The following SPDYE4 variants were observed in gnomAD, a reference collection of about 807,000 sequenced individuals.
SPDYE4 encodes the protein speedy protein E4.
A neutral mutation model predicts 37.5 loss-of-function variants in SPDYE4; 30 were observed. The ratio of observed to expected loss-of-function variants is 0.80; its 90% CI spans 0.60 to 1.09. SPDYE4 has a LOEUF of 1.09. SPDYE4 is among the 50% of genes least tolerant of loss of function. The pLI is 0.00. For missense variants in SPDYE4, 300 were observed against 307.9 expected (o/e 0.97, Z 0.19); for synonymous variants, 131 against 120.3 (o/e 1.09, Z -0.58).
downstream of SPDYE4, among the ~76,000 whole-genome samples, chr17:8,750,242 A>G (rs776219581): frequency 4.6e-5 from 7 of 152,110 alleles, no homozygotes; most frequent in Non-Finnish European, 1.0e-4. Flanking sequence ...TACAGAAATT[A>G]GCTGGGCGTG....
chr17:8,752,510 G>A (rs1319923899), intron 6 of SPDYE4, among the ~76,000 whole-genome samples: 1 of 152,128 alleles, frequency 6.6e-6, no homozygotes, highest in African/African-American at 2.4e-5. Flanking sequence ...CTCCACCCAG[G>A]GAGTAGAGCA....
chr17:8,753,564 A>T, intron 4 of SPDYE4, 75 bp from the exon 5 acceptor site: 1 of 1,560,424 alleles, frequency 6.4e-7, no homozygotes, highest in Non-Finnish European at 8.7e-7. Context: ...CCTCTCAGAG[A>T]GGAGGGCAGG....
chr17:8,749,613 G>A (rs2086713987), downstream of SPDYE4, among the ~76,000 whole-genome samples: 1 of 151,934 alleles, frequency 6.6e-6, no homozygotes, highest in Non-Finnish European at 1.5e-5. Context: ...TGCCCAGGCT[G>A]CTCTTGAACT....
chr17:8,748,499 T>C (rs2086705368), downstream of SPDYE4, among the ~76,000 whole-genome samples: 1 of 152,242 alleles, frequency 6.6e-6, no homozygotes, highest in African/African-American at 2.4e-5. Context: ...TCCTGGCACC[T>C]TGATCTTGGA....
intron 3 of SPDYE4, among the ~76,000 whole-genome samples, 195 bp from the exon 4 acceptor site, chr17:8,755,800 G>A (rs1334237698): frequency 6.6e-6 from 1 of 152,136 alleles, no homozygotes; most frequent in Non-Finnish European, 1.5e-5. Flanking sequence ...GAAGTCGGAG[G>A]GAGGGAGGTC....
intron 3 of SPDYE4, 118 bp downstream of exon 3, chr17:8,756,260 A>AGGG (rs1236190557): frequency 2.1e-4 from 193 of 926,754 alleles, no homozygotes; most frequent in Non-Finnish European, 3.1e-4. Flanking sequence ...AAGAGTATGG[A>AGGG]ATCAGCAGGT....
chr17:8,748,490 C>A (rs932276602), downstream of SPDYE4, among the ~76,000 whole-genome samples: 2 of 152,188 alleles, frequency 1.3e-5, no homozygotes, highest in African/African-American at 4.8e-5. Context: ...CACTGCCTGT[C>A]CTGGCACCTT....
chr17:8,756,666 A>AGGAGC (rs2086775372), intron 2 of SPDYE4, among the ~76,000 whole-genome samples: 1 of 152,178 alleles, frequency 6.6e-6, no homozygotes, highest in Non-Finnish European at 1.5e-5. Flanking sequence ...AGTCTACAGG[A>AGGAGC]TGAAGAGCTG....
rs1300238737 is a variant in SPDYE4 at position 8,757,255 on chromosome 17, C to T, written c.340+7G>A. 2.5e-6 allele frequency: 4 copies of T among 1,599,484 alleles called. No homozygotes were observed. The highest frequency in any genetic ancestry group is 3.4e-6 in the Non-Finnish European group (4 of 1,172,788). On this transcript the variant is annotated splice_region_variant and intron_variant, in intron 2 of 6. Transcript: ENST00000689094. ...GGTTGGAGGTGCTTTTTGGGGTATC[C>T]TCCTACCAAGGAGCCTGTTGAAGGC...
chr17:8,756,304 T>C, intron 3 of SPDYE4, 74 bp downstream of exon 3: 1 of 1,392,102 alleles, frequency 7.2e-7, no homozygotes, highest in Non-Finnish European at 1.0e-6. Flanking sequence ...AGAGAAACTG[T>C]GGGTTTAGAC....
intron 4 of SPDYE4, among the ~76,000 whole-genome samples, chr17:8,753,848 G>C (rs1370924341): frequency 6.6e-6 from 1 of 152,032 alleles, no homozygotes; most frequent in Non-Finnish European, 1.5e-5. Flanking sequence ...TTATGCTAAG[G>C]ATGTGTCCTG....
In SPDYE4 at chr17:8,757,456, A is replaced by C. The variant is rs1189078105; in HGVS notation, c.146T>G (p.Leu49Arg). ...CCATTCGCTCTTCCTTTTCAGGCCA[A>C]GGGATTGAGGCTGGGGGCTGGGATC... ...WIDPSPQPQS[L>R]GLKRKSEWSD... Residue 49 changes from leucine (L) to arginine (R), a missense_variant, in exon 2 of 7, where the codon CTT becomes CGT. Transcript: ENST00000689094. 1.9e-5 allele frequency: 31 copies of C among 1,605,458 alleles called. No homozygotes were observed. The highest frequency in any genetic ancestry group is 3.4e-5 in the Admixed American group (2 of 58,328).
Position 8,753,422 on chromosome 17 carries a change from C to T in SPDYE4, c.553G>A (p.Gly185Arg), listed in dbSNP as rs1339282223. Residue 185 changes from glycine (G) to arginine (R), a missense_variant, in exon 5 of 7, where the codon GGG (glycine) becomes AGG (arginine). Physicochemically the swap from Gly to Arg is moderately radical, Grantham distance 125. Coordinates refer to ENST00000689094, the MANE Select transcript of SPDYE4 (RefSeq NM_001394956.1). ...PKQDIFSFLY[G>R]KNYSQRPLFH... Reference sequence around the variant, plus strand: ...AAGGGTCGCTGGGAGTAGTTCTTCCCGTAGAGGAAGGAGAAGATGTCTTGT... The same window carrying T: ...AAGGGTCGCTGGGAGTAGTTCTTCCTGTAGAGGAAGGAGAAGATGTCTTGT... 8 of 1,608,320 alleles carry T rather than the reference C, an allele frequency of 5.0e-6. No individual in the cohort carries two copies. The African/African-American group carries it at 6.7e-5, about 13-fold the overall frequency.
In SPDYE4 at chr17:8,752,045, T is replaced by G. The variant is rs939599979; in HGVS notation, c.*237A>C. Reference sequence around the variant, plus strand: ...AACACCCCTGGTTTCTCACTTTCCCTCCACTGACTCCTAGAAATACCTCCA... The same window carrying G: ...AACACCCCTGGTTTCTCACTTTCCCGCCACTGACTCCTAGAAATACCTCCA... On this transcript the variant is annotated 3_prime_UTR_variant, in exon 7 of 7. Transcript: ENST00000689094. Among the ~76,000 whole-genome samples, 15 of 152,234 alleles carry G rather than the reference T, an allele frequency of 9.9e-5. No individual in the cohort carries two copies. Among genetic ancestry groups the G allele is most frequent in the Non-Finnish European group, 1.9e-4 (13 of 67,988 alleles).
At chr17:8,747,907 A>G (rs12603886), downstream of SPDYE4, among the ~76,000 whole-genome samples, 35,609 of 152,180 alleles carry the variant, frequency 0.23, 4,507 homozygotes, top group East Asian at 0.43. Context: ...ACAGTTCCAC[A>G]TGGCTGGGAG....
chr17:8,754,736 G>T (rs1460002608), intron 4 of SPDYE4, among the ~76,000 whole-genome samples: 4 of 152,246 alleles, frequency 2.6e-5, no homozygotes, highest in Non-Finnish European at 4.4e-5. Context: ...GAAGCTGGAA[G>T]ATCAGGGGAG....
downstream of SPDYE4, among the ~76,000 whole-genome samples, chr17:8,750,287 G>A (rs1338858593): frequency 1.3e-5 from 2 of 152,136 alleles, no homozygotes; most frequent in East Asian, 3.8e-4. Flanking sequence ...TTCTCAGGAG[G>A]CTGAGACAAG....
chr17:8,756,246 G>T, intron 3 of SPDYE4, 132 bp downstream of exon 3: 2 of 811,914 alleles, frequency 2.5e-6, no homozygotes, highest in Non-Finnish European at 4.0e-6. Flanking sequence ...AAATGTGGGC[G>T]CCCAAGAGTA....
chr17:8,757,725 T>A (rs1353717348), intron 1 of SPDYE4, among the ~76,000 whole-genome samples: 2 of 151,710 alleles, frequency 1.3e-5, no homozygotes, highest in South Asian at 4.2e-4. Flanking sequence ...ATAAGAACTT[T>A]CAATTGGAGA....
Sources: allele counts gnomAD v4.1 joint callset (sites outside exome capture counted in the v4.1 genomes callset), GRCh38; gene constraint gnomAD v4.1.1; transcripts MANE v1.5; gene names NCBI Gene and HGNC (gene_info 2026-07-23, HGNC 2026-07-21).